KLF12: variants seen among roughly 807,000 people sequenced by gnomAD.
KLF12 encodes KLF transcription factor 12, also known as Krueppel-like factor 12.
In KLF12, 9 loss-of-function variants were observed where a neutral mutation model predicts 37.8. The observed-to-expected ratio is 0.24, with a 90% CI of 0.14 to 0.42. The LOEUF is 0.42. KLF12 is among the 10% of genes least tolerant of loss of function. KLF12 has a pLI of 1.00. For synonymous variants in KLF12, 208 were observed against 202.1 expected, an observed-to-expected ratio of 1.03 and a Z score of -0.25; for missense variants, 411 against 516.0, an observed-to-expected ratio of 0.80 and a Z score of 1.97.
chr13:73,868,798 C>G (rs188898176), intron 3 of KLF12, among the ~76,000 whole-genome samples: 24 of 152,230 alleles, frequency 1.6e-4, no homozygotes, highest in African/African-American at 5.5e-4. Flanking sequence ...AAACACTTAT[C>G]AAATAAATCA....
intron 3 of KLF12, among the ~76,000 whole-genome samples, chr13:73,899,393 C>G (rs1887935457): frequency 1.3e-5 from 2 of 152,094 alleles, no homozygotes; most frequent in Non-Finnish European, 2.9e-5. Flanking sequence ...TCTCTCAACC[C>G]CAAAAAGCAC....
intron 3 of KLF12, among the ~76,000 whole-genome samples, chr13:73,927,289 T>G (rs1889437888): frequency 6.6e-6 from 1 of 152,144 alleles, no homozygotes; most frequent in Non-Finnish European, 1.5e-5. Context: ...CCTCCCCAAA[T>G]CAATACTAAC....
intron 1 of KLF12, among the ~76,000 whole-genome samples, chr13:74,101,990 C>G (rs1287715210): frequency 6.6e-6 from 1 of 151,782 alleles, no homozygotes; most frequent in Non-Finnish European, 1.5e-5. Context: ...GAGGCCGAGA[C>G]GGGCGGATCA....
intron 1 of KLF12, among the ~76,000 whole-genome samples, chr13:74,106,495 G>A (rs2138898613): frequency 6.6e-6 from 1 of 152,084 alleles, no homozygotes; most frequent in East Asian, 1.9e-4. Context: ...TATACTTCAA[G>A]GTATAAATTT....
chr13:74,257,860 C>G, the KLF12 span: 1 of 151,946 alleles, frequency 6.6e-6, no homozygotes, highest in African/African-American at 2.4e-5. Context: ...ATTTTCATTT[C>G]TAAATTCTGG....
chr13:74,050,079 C>T (rs181409906), intron 1 of KLF12, among the ~76,000 whole-genome samples: 1 of 152,056 alleles, frequency 6.6e-6, no homozygotes, highest in East Asian at 1.9e-4. Flanking sequence ...CAAAAACAGG[C>T]CACATAAAGG....
At chr13:74,159,549 A>G in the KLF12 span, among the ~76,000 whole-genome samples, 2 of 152,224 alleles carry the variant, frequency 1.3e-5, no homozygotes, top group East Asian at 3.8e-4. Flanking sequence ...TTTCATTATT[A>G]CTTTAGCCTG....
At chr13:74,214,105 C>T in the KLF12 span, among the ~76,000 whole-genome samples, 3 of 152,016 alleles carry the variant, frequency 2.0e-5, no homozygotes, top group Non-Finnish European at 2.9e-5. Context: ...TCAAAAGTTA[C>T]TTATGATTTT....
At chr13:74,301,994 C>T in the KLF12 span, among the ~76,000 whole-genome samples, 9,918 of 152,198 alleles carry the variant, frequency 0.065, 511 homozygotes, top group African/African-American at 0.13. Flanking sequence ...CACCCAGGGA[C>T]ATTCATTTCA....
intron 3 of KLF12, among the ~76,000 whole-genome samples, chr13:73,926,703 T>A (rs960192610): frequency 1.7e-4 from 26 of 151,500 alleles, no homozygotes; most frequent in African/African-American, 6.1e-4. Flanking sequence ...TCAAACTATA[T>A]CACTCTAACA....
chr13:73,960,205 A>T (rs1055537535), intron 2 of KLF12, among the ~76,000 whole-genome samples: 5 of 152,202 alleles, frequency 3.3e-5, no homozygotes, highest in African/African-American at 1.2e-4. Context: ...TTTATATATT[A>T]AATATGTAGC....
At chr13:73,867,550 C>T (rs1346455161) in intron 3 of KLF12, among the ~76,000 whole-genome samples, 1 of 151,750 alleles carries the variant, frequency 6.6e-6, no homozygotes, top group African/African-American at 2.4e-5. Context: ...TTTAGCATAA[C>T]TCACTCAGTA....
intron 1 of KLF12, among the ~76,000 whole-genome samples, chr13:74,132,556 GTTAAA>G (rs1300773458): frequency 2.6e-5 from 4 of 152,154 alleles, no homozygotes; most frequent in Admixed American, 6.5e-5. Flanking sequence ...CATCTATACA[GTTAAA>G]TTAGAGTGCT....
intron 5 of KLF12, 112 bp downstream of exon 5, chr13:73,813,040 G>C (rs150865556): frequency 1.8e-6 from 2 of 1,103,978 alleles, no homozygotes; most frequent in African/African-American, 3.1e-5. Flanking sequence ...GCTGACATTC[G>C]TGCCAGTTCA....
the KLF12 span, among the ~76,000 whole-genome samples, chr13:74,189,485 A>G: frequency 6.6e-6 from 1 of 152,206 alleles, no homozygotes; most frequent in Admixed American, 6.5e-5. Flanking sequence ...CCCCCATTCA[A>G]CAGCCCCCAT....
At chr13:73,716,589 G>A (rs934753798) in intron 6 of KLF12, among the ~76,000 whole-genome samples, 1 of 152,112 alleles carries the variant, frequency 6.6e-6, no homozygotes, top group Non-Finnish European at 1.5e-5. Flanking sequence ...TTCCAGGGAA[G>A]AGCCTCTATC....
chr13:74,225,086 A>G, the KLF12 span, among the ~76,000 whole-genome samples: 3 of 152,196 alleles, frequency 2.0e-5, no homozygotes, highest in African/African-American at 7.2e-5. Context: ...ATGACATAAC[A>G]TAACAGAATT....
intron 4 of KLF12, among the ~76,000 whole-genome samples, chr13:73,824,275 T>C (rs1015296371): frequency 2.6e-5 from 4 of 152,112 alleles, no homozygotes; most frequent in Non-Finnish European, 5.9e-5. Flanking sequence ...ATGAGCCCCG[T>C]AGTTGTGCAG....
chr13:73,703,817 G>C (rs2137597559), intron 7 of KLF12, among the ~76,000 whole-genome samples: 1 of 152,214 alleles, frequency 6.6e-6, no homozygotes. Context: ...AATTAGTGCT[G>C]TCATAAACCA....
Sources: allele counts gnomAD v4.1 joint callset (sites outside exome capture counted in the v4.1 genomes callset), GRCh38; gene constraint gnomAD v4.1.1; transcripts MANE v1.5; gene names NCBI Gene and HGNC (gene_info 2026-07-23, HGNC 2026-07-21).